The following LRMDA variants were observed in gnomAD, a reference collection of about 807,000 sequenced individuals.
LRMDA encodes the protein leucine rich melanocyte differentiation associated, also known as leucine-rich melanocyte differentiation-associated protein.
Under a neutral mutation model 29.8 loss-of-function variants are expected in LRMDA, and 18 were observed. The ratio of observed to expected loss-of-function variants is 0.60; its 90% CI spans 0.42 to 0.90. The LOEUF is 0.90. Among genes scored for constraint, LRMDA ranks in the 40% least tolerant of loss-of-function variants. The probability of loss-of-function intolerance (pLI) is 0.00; values close to 1 mark genes in which losing one functional copy is unlikely to be tolerated. For synonymous variants in LRMDA, 125 were observed against 109.4 expected (o/e 1.14, Z -0.89); for missense variants, 273 against 273.9 (o/e 1.00, Z 0.02).
intron 2 of LRMDA, among the ~76,000 whole-genome samples, chr10:75,801,962 G>A (rs997713766): frequency 2.6e-5 from 4 of 152,274 alleles, no homozygotes; most frequent in East Asian, 1.9e-4. Context: ...CTAAGCAGCT[G>A]TGTTCCCAAT....
intron 2 of LRMDA, among the ~76,000 whole-genome samples, chr10:75,714,730 T>A (rs1842477309): frequency 6.6e-6 from 1 of 152,208 alleles, no homozygotes; most frequent in African/African-American, 2.4e-5. Flanking sequence ...TGGCAATTAA[T>A]AACAATTTGA....
At chr10:75,868,876 T>C (rs1490821127) in intron 2 of LRMDA, among the ~76,000 whole-genome samples, 1 of 152,196 alleles carries the variant, frequency 6.6e-6, no homozygotes, top group Non-Finnish European at 1.5e-5. Context: ...AGCTCCGTCC[T>C]GTGTGAATGG....
At chr10:75,476,220 G>A (rs1844789787) in intron 2 of LRMDA, among the ~76,000 whole-genome samples, 1 of 152,182 alleles carries the variant, frequency 6.6e-6, no homozygotes, top group South Asian at 2.1e-4. Context: ...ATCATGTAAA[G>A]TTAATTTTTT....
At chr10:75,527,636 T>A (rs1374305378) in intron 2 of LRMDA, among the ~76,000 whole-genome samples, 3 of 149,134 alleles carry the variant, frequency 2.0e-5, no homozygotes, top group Non-Finnish European at 4.4e-5. Context: ...ACCAGTAACA[T>A]AGAATATGTA....
At chr10:75,896,165 A>G (rs1054566987) in intron 2 of LRMDA, among the ~76,000 whole-genome samples, 2 of 152,212 alleles carry the variant, frequency 1.3e-5, no homozygotes, top group African/African-American at 2.4e-5. Context: ...AAAACAGAAT[A>G]ATGAGATCTC....
chr10:76,337,037 G>A (rs1460332623), intron 6 of LRMDA, among the ~76,000 whole-genome samples: 2 of 152,074 alleles, frequency 1.3e-5, no homozygotes, highest in Non-Finnish European at 2.9e-5. Flanking sequence ...CCAGAGACAG[G>A]TTAGATAGGG....
intron 6 of LRMDA, among the ~76,000 whole-genome samples, chr10:76,519,184 CA>C (rs1369024533): frequency 2.0e-5 from 3 of 150,954 alleles, no homozygotes; most frequent in East Asian, 1.9e-4. Context: ...AACCCAGCCT[CA>C]AAAAAAATTT....
intron 2 of LRMDA, among the ~76,000 whole-genome samples, chr10:75,760,914 G>C (rs903150556): frequency 2.6e-5 from 4 of 152,180 alleles, no homozygotes; most frequent in Non-Finnish European, 5.9e-5. Context: ...GAGGAGAGAT[G>C]CCTCAAGTGT....
chr10:76,493,557 G>C (rs1436520720), intron 6 of LRMDA, among the ~76,000 whole-genome samples: 1 of 152,128 alleles, frequency 6.6e-6, no homozygotes, highest in African/African-American at 2.4e-5. Context: ...GTATACATGT[G>C]AGTATATTTC....
chr10:76,259,527 T>G (rs1839907394), intron 5 of LRMDA, among the ~76,000 whole-genome samples: 1 of 152,134 alleles, frequency 6.6e-6, no homozygotes, highest in South Asian at 2.1e-4. Context: ...CTGATAATAA[T>G]GTGTATTCTG....
chr10:76,205,470 T>C (rs1047747312), intron 5 of LRMDA, among the ~76,000 whole-genome samples: 4 of 152,136 alleles, frequency 2.6e-5, no homozygotes, highest in African/African-American at 9.7e-5. Flanking sequence ...AAACTGGAAA[T>C]CCAAAGAGTT....
chr10:75,934,604 A>C (rs1846256813), intron 2 of LRMDA, among the ~76,000 whole-genome samples: 1 of 152,166 alleles, frequency 6.6e-6, no homozygotes, highest in Admixed American at 6.5e-5. Context: ...GTGAGGGCAT[A>C]AAGGGTGTGC....
intron 2 of LRMDA, among the ~76,000 whole-genome samples, chr10:75,953,752 GT>G (rs1352939064): frequency 6.6e-6 from 1 of 152,112 alleles, no homozygotes; most frequent in Non-Finnish European, 1.5e-5. Flanking sequence ...CACTCCTATA[GT>G]TCACAGGAGG....
At chr10:75,996,923 G>A (rs1347151175) in intron 2 of LRMDA, among the ~76,000 whole-genome samples, 6 of 151,968 alleles carry the variant, frequency 3.9e-5, no homozygotes, top group African/African-American at 9.6e-5. Context: ...TAGTAGAGAC[G>A]GGGTTTCACC....
chr10:75,752,271 G>A (rs1001507801), intron 2 of LRMDA, among the ~76,000 whole-genome samples: 63 of 140,944 alleles, frequency 4.5e-4, no homozygotes, highest in Non-Finnish European at 9.0e-5. Flanking sequence ...GGAGTGCAGT[G>A]GCTGATCTCA....
In LRMDA at chr10:76,047,226, C is replaced by T. The variant is rs776766212; in HGVS notation, c.321C>T (p.Leu107=). The T allele has an allele frequency of 1.2e-6, 2 of 1,614,084 alleles. No homozygotes were observed. Among genetic ancestry groups the T allele is most frequent in the Non-Finnish European group, 1.7e-6 (2 of 1,179,968 alleles). The change falls in exon 4 of 7, where the codon CTC becomes CTT. Residue 107 remains leucine, a synonymous_variant. Coordinates refer to ENST00000611255, the MANE Select transcript of LRMDA (RefSeq NM_001305581.2). ...LAEVTPALEY[L]SLLGNVACPN... ...AAGTGACACCAGCTCTGGAGTACCT[C>T]AGTCTGCTGGGCAACGTGGCCTGTC...
At chr10:75,957,835 G>A (rs1483713177) in intron 2 of LRMDA, among the ~76,000 whole-genome samples, 2 of 152,022 alleles carry the variant, frequency 1.3e-5, no homozygotes, top group Non-Finnish European at 2.9e-5. Flanking sequence ...GGATGACGAG[G>A]GCTTTGATGG....
chr10:75,765,501 A>AT (rs1433621485), intron 2 of LRMDA, among the ~76,000 whole-genome samples: 1 of 152,088 alleles, frequency 6.6e-6, no homozygotes, highest in African/African-American at 2.4e-5. Flanking sequence ...GTTTGTGACT[A>AT]TTTACTTCAC....
chr10:76,218,191 C>T (rs1851764143), intron 5 of LRMDA, among the ~76,000 whole-genome samples: 1 of 152,174 alleles, frequency 6.6e-6, no homozygotes, highest in Non-Finnish European at 1.5e-5. Context: ...AGGTCCTTAT[C>T]TGTGTGCACT....
Sources: allele counts gnomAD v4.1 joint callset (sites outside exome capture counted in the v4.1 genomes callset), GRCh38; gene constraint gnomAD v4.1.1; transcripts MANE v1.5; gene names NCBI Gene and HGNC (gene_info 2026-07-23, HGNC 2026-07-21).